The following CNTN5 variants were observed in gnomAD, a reference collection of about 807,000 sequenced individuals.
CNTN5 encodes contactin 5, also known as contactin-5.
In CNTN5, 77 loss-of-function variants were observed where a neutral mutation model predicts 129.1. The ratio of observed to expected loss-of-function variants is 0.60; its 90% CI spans 0.50 to 0.72. CNTN5 has a LOEUF of 0.72. CNTN5 is among the 30% of genes least tolerant of loss of function. CNTN5 has a pLI of 0.00. For synonymous variants in CNTN5, 509 were observed against 465.6 expected (o/e 1.09, Z -1.20); for missense variants, 1,478 against 1,328.8 (o/e 1.11, Z -1.75).
chr11:99,153,223 A>G (rs1278324149), intron 1 of CNTN5, among the ~76,000 whole-genome samples: 4 of 152,218 alleles, frequency 2.6e-5, no homozygotes, highest in Non-Finnish European at 5.9e-5. Context: ...CATGAATGAT[A>G]TCCCGAAACA....
intron 9 of CNTN5, chr11:100,004,002 A>T (rs1371689963): frequency 1.3e-5 from 2 of 152,218 alleles, no homozygotes; most frequent in African/African-American, 2.4e-5. Context: ...ACATGTGTTC[A>T]TCCTTTTACA....
chr11:99,747,663 C>T (rs868567446), intron 3 of CNTN5, among the ~76,000 whole-genome samples: 4 of 151,714 alleles, frequency 2.6e-5, no homozygotes, highest in East Asian at 1.9e-4. Context: ...TTAGTAGAGA[C>T]GAGGTTTCAC....
At chr11:99,145,048 A>G (rs1169562007) in intron 1 of CNTN5, among the ~76,000 whole-genome samples, 2 of 152,008 alleles carry the variant, frequency 1.3e-5, no homozygotes, top group Non-Finnish European at 2.9e-5. Context: ...AATTTTATGG[A>G]GTAAATTTCA....
At chr11:99,822,630 G>A (rs1946836542) in intron 4 of CNTN5, among the ~76,000 whole-genome samples, 1 of 152,108 alleles carries the variant, frequency 6.6e-6, no homozygotes, top group African/African-American at 2.4e-5. Context: ...ATGAGAGCAG[G>A]AAATAAGTAC....
intron 2 of CNTN5, among the ~76,000 whole-genome samples, chr11:99,520,888 A>G (rs1024428416): frequency 6.6e-6 from 1 of 152,156 alleles, no homozygotes; most frequent in African/African-American, 2.4e-5. Flanking sequence ...TAAGGCATCA[A>G]ATAAATGTTA....
chr11:99,868,787 G>A (rs1023611321), intron 6 of CNTN5, among the ~76,000 whole-genome samples: 6 of 152,188 alleles, frequency 3.9e-5, no homozygotes, highest in South Asian at 2.1e-4. Context: ...AAATGAGGGC[G>A]TTTTAGCTGG....
intron 15 of CNTN5, among the ~76,000 whole-genome samples, chr11:100,205,524 A>C (rs948822221): frequency 6.6e-6 from 1 of 152,076 alleles, no homozygotes; most frequent in Non-Finnish European, 1.5e-5. Context: ...ACTTTAAAGA[A>C]TTTGAGAAGC....
intron 3 of CNTN5, among the ~76,000 whole-genome samples, chr11:99,612,080 G>C (rs1421997867): frequency 1.3e-5 from 2 of 152,140 alleles, no homozygotes; most frequent in African/African-American, 4.8e-5. Flanking sequence ...CTGATATGTA[G>C]GAGGCACTTG....
intron 3 of CNTN5, among the ~76,000 whole-genome samples, chr11:99,711,749 G>T (rs1169891772): frequency 6.6e-6 from 1 of 151,960 alleles, no homozygotes; most frequent in Non-Finnish European, 1.5e-5. Context: ...TACTGTTCTT[G>T]TGTTAGTTTG....
chr11:99,873,211 T>C (rs984367266), intron 6 of CNTN5, among the ~76,000 whole-genome samples: 2 of 152,062 alleles, frequency 1.3e-5, no homozygotes, highest in African/African-American at 4.8e-5. Context: ...TGTTACTTCC[T>C]TGAGTTAACT....
rs1195649881 is a variant in CNTN5, at chr11:99,268,560, C to A, written c.-209-56786C>A. On this transcript the variant is annotated intron_variant, in intron 1 of 24. Coordinates refer to ENST00000524871, the MANE Select transcript of CNTN5 (RefSeq NM_014361.4). ...ACAAGGACCCTGAAAGGTGTTTATT[C>A]ATTGCGTTTTAGGTAAAGAAGTGAG... Among the ~76,000 whole-genome samples the A allele has an allele frequency of 2.6e-5, 4 of 151,924 alleles. No individual in the cohort carries two copies. The East Asian group carries it at 7.8e-4, about 30-fold the overall frequency.
At chr11:100,193,896 C>A (rs1224560910) in intron 15 of CNTN5, among the ~76,000 whole-genome samples, 1 of 151,862 alleles carries the variant, frequency 6.6e-6, no homozygotes, top group African/African-American at 2.4e-5. Flanking sequence ...AATCTGGTTT[C>A]TTTGCCACCT....
In CNTN5 at chr11:100,078,161, C is replaced by G. The variant is rs180970458; in HGVS notation, c.1580+3867C>G. On this transcript the variant is annotated intron_variant, in intron 13 of 24. Coordinates refer to ENST00000524871, the MANE Select transcript of CNTN5 (RefSeq NM_014361.4). ...TTTTTCTACCACGTTTTGAGTAAAT[C>G]TGCCAGGTTTAGTTTTCTTTGTTTT... Among the ~76,000 whole-genome samples the G allele has an allele frequency of 1.0e-3, 154 of 152,156 alleles. 1 individual carries two copies. The highest frequency in any genetic ancestry group is 1.9e-3 in the Non-Finnish European group (126 of 67,988).
At chr11:99,494,819 C>A (rs1258280137) in intron 2 of CNTN5, among the ~76,000 whole-genome samples, 14 of 152,108 alleles carry the variant, frequency 9.2e-5, no homozygotes, top group Admixed American at 9.2e-4. Flanking sequence ...GGATATTAAT[C>A]TTGACCTTAG....
At chr11:99,717,925 C>G (rs948989706) in intron 3 of CNTN5, among the ~76,000 whole-genome samples, 3 of 152,068 alleles carry the variant, frequency 2.0e-5, no homozygotes, top group African/African-American at 7.2e-5. Context: ...TCCAACTCAG[C>G]CATGACAATA....
At chr11:100,153,743 A>G (rs1947140896) in intron 13 of CNTN5, among the ~76,000 whole-genome samples, 2 of 152,110 alleles carry the variant, frequency 1.3e-5, no homozygotes, top group Admixed American at 1.3e-4. Context: ...TTCTGGCATC[A>G]TAATGCCTAA....
At chr11:99,938,549 T>A (rs10894179) in intron 7 of CNTN5, among the ~76,000 whole-genome samples, 92,586 of 151,906 alleles carry the variant, frequency 0.61, 29,261 homozygotes, top group African/African-American at 0.79. Flanking sequence ...TTTTAAGCCA[T>A]GGTAAATGGG....
intron 2 of CNTN5, among the ~76,000 whole-genome samples, chr11:99,529,453 A>G (rs1947614448): frequency 1.3e-5 from 2 of 152,218 alleles, no homozygotes; most frequent in Admixed American, 6.5e-5. Flanking sequence ...AACATGAAAC[A>G]ACGATCTTGT....
At chr11:99,057,245 T>G (rs1864659679) in intron 1 of CNTN5, among the ~76,000 whole-genome samples, 1 of 151,856 alleles carries the variant, frequency 6.6e-6, no homozygotes, top group Admixed American at 6.6e-5. Flanking sequence ...AAGCCATTTA[T>G]CTCTTCTTCC....
Sources: gnomAD v4.1 joint callset for allele counts (sites outside exome capture counted in the v4.1 genomes callset) on GRCh38, gnomAD v4.1.1 for gene constraint, MANE v1.5 for transcripts, NCBI Gene and HGNC (gene_info 2026-07-23, HGNC 2026-07-21) for gene names.